CNTNAP5: variants seen among roughly 807,000 people sequenced by gnomAD.
CNTNAP5 encodes the protein contactin-associated protein-like 5.
In CNTNAP5, 72 loss-of-function variants were observed where a neutral mutation model predicts 150.2. The ratio of observed to expected loss-of-function variants is 0.48; its 90% confidence interval spans 0.40 to 0.58. The LOEUF is 0.58. Ranked by LOEUF, CNTNAP5 falls within the 20% of genes least tolerant of loss-of-function variation. The pLI, the probability that CNTNAP5 is intolerant of heterozygous loss-of-function variation, is 0.00. For missense variants in CNTNAP5, 1,636 were observed against 1,626.2 expected (o/e 1.01, Z -0.10); for synonymous variants, 672 against 619.8 (o/e 1.08, Z -1.25).
At chr2:124,607,595 C>T (rs1252031501) in intron 11 of CNTNAP5, among the ~76,000 whole-genome samples, 3 of 152,162 alleles carry the variant, frequency 2.0e-5, no homozygotes, top group African/African-American at 7.2e-5. Flanking sequence ...CGGGAATTAC[C>T]TTAGAGGTTG....
Position 124,894,622 on chromosome 2 carries a change from T to C in CNTNAP5, c.3437-8260T>C, listed in dbSNP as rs187393320. ...AGGTGGGAATGCAATGGCCTGACGA[T>C]GGCTCACTGCAGCCTCGACCTCCAA... On this transcript the variant is annotated intron_variant, in intron 21 of 23. Coordinates refer to ENST00000682447, the MANE Select transcript of CNTNAP5 (RefSeq NM_001367498.1). 4.8e-3 allele frequency among the ~76,000 whole-genome samples: 721 copies of C among 151,134 alleles called. 22 individuals carry two copies. The highest frequency in any genetic ancestry group is 0.017 in the African/African-American group (696 of 40,648).
At chr2:124,629,170 A>T (rs1677793764) in intron 12 of CNTNAP5, among the ~76,000 whole-genome samples, 1 of 152,182 alleles carries the variant, frequency 6.6e-6, no homozygotes, top group Non-Finnish European at 1.5e-5. Context: ...AAATTAACAA[A>T]GATATTCAAG....
At chr2:124,246,602 T>G (rs781249392) in intron 3 of CNTNAP5, among the ~76,000 whole-genome samples, 1 of 152,154 alleles carries the variant, frequency 6.6e-6, no homozygotes, top group Non-Finnish European at 1.5e-5. Context: ...ACCTCTTAAC[T>G]AAGTCCACTC....
chr2:124,732,402 G>C (rs1680290394), intron 13 of CNTNAP5, among the ~76,000 whole-genome samples: 1 of 152,104 alleles, frequency 6.6e-6, no homozygotes, highest in Non-Finnish European at 1.5e-5. Context: ...GATGGCATAA[G>C]AAGGTGGAGC....
chr2:124,779,039 T>A (rs1021234215), intron 17 of CNTNAP5, among the ~76,000 whole-genome samples: 18 of 152,228 alleles, frequency 1.2e-4, no homozygotes, highest in African/African-American at 4.1e-4. Context: ...GTAGAGGGGC[T>A]TAGGGATCTG....
At chr2:124,253,978 T>C (rs1687247970) in intron 3 of CNTNAP5, among the ~76,000 whole-genome samples, 1 of 152,112 alleles carries the variant, frequency 6.6e-6, no homozygotes, top group Non-Finnish European at 1.5e-5. Context: ...GCATGAACTT[T>C]GGATTTAGGC....
intron 1 of CNTNAP5, among the ~76,000 whole-genome samples, chr2:124,034,763 G>T (rs1681164120): frequency 6.6e-6 from 1 of 152,308 alleles, no homozygotes; most frequent in Admixed American, 6.5e-5. Context: ...CTGGGAAGGA[G>T]TGTGTGTGAC....
chr2:124,532,789 G>A lies in CNTNAP5; in HGVS notation c.1649+5333G>A, dbSNP rs1035960642. Among the ~76,000 whole-genome samples the A allele has an allele frequency of 4.6e-5, 7 of 152,324 alleles. No individual in the cohort carries two copies. In the East Asian group the frequency reaches 1.2e-3, roughly 25 times the overall value. ...AAAACCTACCTTTGTGCTAAGAGTT[G>A]AATGAGAGAGTGCGAGAAAAATGAG... On this transcript the variant is annotated intron_variant, in intron 10 of 23. Coordinates refer to ENST00000682447, the MANE Select transcript of CNTNAP5 (RefSeq NM_001367498.1).
chr2:124,659,897 A>G (rs941148423), intron 13 of CNTNAP5, among the ~76,000 whole-genome samples: 2 of 152,184 alleles, frequency 1.3e-5, no homozygotes, highest in Non-Finnish European at 2.9e-5. Context: ...AGTGATGGGG[A>G]AAGGCATGAA....
At chr2:124,093,235 A>C (rs1682855833) in intron 1 of CNTNAP5, among the ~76,000 whole-genome samples, 1 of 152,214 alleles carries the variant, frequency 6.6e-6, no homozygotes. Flanking sequence ...GCAATATGAA[A>C]TTGGCAAGTC....
chr2:124,221,825 G>T lies in CNTNAP5; in HGVS notation c.187+16G>T. ...TGGAGAGTTGGTAAGTAGGCTGACT[G>T]AAATCCTAATGCCAAGCACTAAATA... is the stretch of plus-strand genomic sequence containing the variant. On this transcript the variant is annotated intron_variant, in intron 2 of 23. Transcript: ENST00000682447. 1 of 1,523,188 alleles carries T rather than the reference G, an allele frequency of 6.6e-7. No individual in the cohort carries two copies. 94.4% of individuals were successfully genotyped at this position (1,523,188 alleles called of 1,614,324 possible). A position where few individuals can be genotyped will look rare whatever the true frequency, so the allele number is the denominator to read the frequency against.
intron 1 of CNTNAP5, among the ~76,000 whole-genome samples, chr2:124,052,684 A>G (rs1213808443): frequency 6.6e-6 from 1 of 152,150 alleles, no homozygotes; most frequent in African/African-American, 2.4e-5. Flanking sequence ...GTTCAGAATG[A>G]TCTATATAAA....
chr2:124,244,633 T>C (rs1686973517), intron 3 of CNTNAP5, among the ~76,000 whole-genome samples: 1 of 151,904 alleles, frequency 6.6e-6, no homozygotes, highest in Non-Finnish European at 1.5e-5. Flanking sequence ...CAGGGAGAAG[T>C]GATTTGAGGA....
intron 3 of CNTNAP5, among the ~76,000 whole-genome samples, chr2:124,269,313 C>T (rs1687685933): frequency 6.6e-6 from 1 of 152,080 alleles, no homozygotes. Context: ...CCTTTGAGTA[C>T]CTTGTGCCCT....
intron 19 of CNTNAP5, among the ~76,000 whole-genome samples, chr2:124,819,943 G>A (rs1307597736): frequency 6.6e-6 from 1 of 152,148 alleles, no homozygotes; most frequent in African/African-American, 2.4e-5. Flanking sequence ...TCCTGTTGCA[G>A]CATTTTAGCC....
intron 3 of CNTNAP5, among the ~76,000 whole-genome samples, chr2:124,252,199 T>C (rs1032206672): frequency 5.9e-5 from 9 of 152,112 alleles, no homozygotes; most frequent in African/African-American, 2.2e-4. Flanking sequence ...AATTTAAGAA[T>C]GTATGTGTGT....
chr2:124,363,929 G>A (rs1324546350), intron 3 of CNTNAP5, among the ~76,000 whole-genome samples: 1 of 152,184 alleles, frequency 6.6e-6, no homozygotes, highest in Admixed American at 6.5e-5. Flanking sequence ...CCTGCTCCAA[G>A]CCAGTGTTGC....
intron 11 of CNTNAP5, among the ~76,000 whole-genome samples, chr2:124,607,120 T>A (rs958142304): frequency 3.9e-5 from 6 of 152,168 alleles, no homozygotes; most frequent in Non-Finnish European, 2.9e-5. Flanking sequence ...GAGAGTTGAT[T>A]AGCTACCTAT....
At chr2:124,389,024 G>A (rs960856837) in intron 3 of CNTNAP5, among the ~76,000 whole-genome samples, 24 of 152,102 alleles carry the variant, frequency 1.6e-4, no homozygotes, top group Non-Finnish European at 1.2e-4. Context: ...GGACCAGAGA[G>A]GCTACAGGAA....
Sources: gnomAD v4.1 joint callset for allele counts (sites outside exome capture counted in the v4.1 genomes callset) on GRCh38, gnomAD v4.1.1 for gene constraint, MANE v1.5 for transcripts, NCBI Gene and HGNC (gene_info 2026-07-23, HGNC 2026-07-21) for gene names.